KIF13A: variants seen among roughly 807,000 people sequenced by gnomAD.
KIF13A encodes the protein kinesin family member 13A.
In KIF13A, 79 loss-of-function variants were observed where a neutral mutation model predicts 212.2. That is an observed-to-expected ratio of 0.37 (90% CI 0.31 to 0.45). The LOEUF (loss-of-function observed/expected upper bound fraction) is 0.45, where lower values mean the gene tolerates loss of function less well. Ranked by LOEUF, KIF13A falls within the 20% of genes least tolerant of loss-of-function variation. KIF13A has a pLI of 1.00. For missense variants in KIF13A, 1,901 were observed against 2,209.0 expected (o/e 0.86, Z 2.79); for synonymous variants, 789 against 808.6 (o/e 0.98, Z 0.41).
chr6:17,933,435 G>T (rs1206033588), intron 2 of KIF13A, among the ~76,000 whole-genome samples: 12 of 120,428 alleles, frequency 1.0e-4, no homozygotes, highest in African/African-American at 3.3e-4. Flanking sequence ...GTAGAGACAA[G>T]GTCTCACTAT....
rs1264422442 is a variant in KIF13A at position 17,850,166 on chromosome 6, C to G, written c.717+157G>C. 6.6e-6 allele frequency among the ~76,000 whole-genome samples: 1 copy of G among 152,022 alleles called. No individual in the cohort carries two copies. Among genetic ancestry groups the G allele is most frequent in the Non-Finnish European group, 1.5e-5 (1 of 68,000 alleles). On this transcript the variant is annotated intron_variant, in intron 8 of 38. Transcript: ENST00000259711. This position sits in a 1 kb window ranked among gnomAD's most constrained non-coding sequence, Gnocchi z 6.2. ...TAAAAAGTCAAATATAAAGAAAGAC[C>G]TAACAAATTAAATGATAAGCAAAGT...
intron 20 of KIF13A, among the ~76,000 whole-genome samples, chr6:17,803,282 G>T (rs1393172206): frequency 6.6e-6 from 1 of 151,942 alleles, no homozygotes; most frequent in Non-Finnish European, 1.5e-5. Context: ...GGGTCTCATA[G>T]TGTTGACCAG....
At chr6:17,953,831 G>C (rs148804228) in intron 2 of KIF13A, 167 of 177,544 alleles carry the variant, frequency 9.4e-4, no homozygotes, top group African/African-American at 3.7e-3. Flanking sequence ...AACTGACAAA[G>C]GAAAAACTCT....
At position 17,951,192 on chromosome 6, in the gene KIF13A, T is replaced by C; in HGVS notation, c.146+35862A>G. 1 of 1,224,876 alleles carries C rather than the reference T, an allele frequency of 8.2e-7. No homozygotes were observed. The highest frequency in any genetic ancestry group is 1.0e-6 in the Non-Finnish European group (1 of 971,172). The allele number at this position is 1,224,876 out of a possible 1,614,324, so 75.9% of individuals were successfully genotyped here. A position where few individuals can be genotyped will look rare whatever the true frequency, so the allele number is the denominator to read the frequency against. On this transcript the variant is annotated intron_variant, in intron 2 of 38. Transcript: ENST00000259711. The surrounding 1 kb of genome is among the most constrained non-coding windows in gnomAD (Gnocchi z 4.9). ...TTTTTGAAGACAGGGTCTGGCTCTGTCACCCAGGCTGGCGTGCAGTGGCTC... is the reference window on the plus strand; with the variant it reads ...TTTTTGAAGACAGGGTCTGGCTCTGCCACCCAGGCTGGCGTGCAGTGGCTC...
intron 9 of KIF13A, among the ~76,000 whole-genome samples, chr6:17,846,971 C>T (rs531411819): frequency 6.6e-6 from 1 of 152,306 alleles, no homozygotes; most frequent in African/African-American, 2.4e-5. Context: ...ATTAAACTTG[C>T]TCTGTCTTGG....
At chr6:17,957,914 A>T (rs1232193802) in intron 2 of KIF13A, among the ~76,000 whole-genome samples, 2 of 152,210 alleles carry the variant, frequency 1.3e-5, no homozygotes, top group Non-Finnish European at 2.9e-5. Context: ...AAAGCTTAAC[A>T]TGACAATGAC....
At chr6:17,775,942 C>T (rs1398209959) in intron 34 of KIF13A, among the ~76,000 whole-genome samples, 2 of 151,918 alleles carry the variant, frequency 1.3e-5, no homozygotes, top group African/African-American at 2.4e-5. Flanking sequence ...AGTGCAATGG[C>T]GCAATCTCGG....
chr6:17,896,734 C>G lies in KIF13A; in HGVS notation c.159+1434G>C, dbSNP rs1009557893. On this transcript the variant is annotated intron_variant, in intron 3 of 38. Transcript: ENST00000259711. ...AAAGTGACAAGAACATTCCTGTGTA[C>G]AAAGCAATAGTGGTTTTTAAAAATG... Among the ~76,000 whole-genome samples, 4 of 152,204 alleles carry G rather than the reference C, an allele frequency of 2.6e-5. No homozygotes were observed. In the South Asian group the frequency reaches 8.3e-4, roughly 31 times the overall value.
intron 38 of KIF13A, among the ~76,000 whole-genome samples, chr6:17,765,621 G>A (rs1412588321): frequency 1.3e-5 from 2 of 152,156 alleles, no homozygotes; most frequent in East Asian, 3.8e-4. Context: ...GGTGAAGAAG[G>A]CATAGTGAAA....
In KIF13A at chr6:17,961,354, T is replaced by C. The variant is rs1164480993; in HGVS notation, c.146+25700A>G. 6.6e-6 allele frequency among the ~76,000 whole-genome samples: 1 copy of C among 152,174 alleles called. No individual in the cohort carries two copies. ...CTGATGTGGGATAATAAATAAGTTA[T>C]TAAGATAGGCAATAAATCATGTCCC... On this transcript the variant is annotated intron_variant, in intron 2 of 38. Transcript: ENST00000259711. This position sits in a 1 kb window ranked among gnomAD's most constrained non-coding sequence, Gnocchi z 4.1.
Position 17,771,187 on chromosome 6 carries a change from C to G in KIF13A, c.4508G>C (p.Gly1503Ala). Residue 1503 changes from glycine to alanine, a missense_variant, in exon 38 of 39, where the codon GGC becomes GCC. By Grantham distance (60) the Gly-to-Ala change is moderately conservative. Transcript: ENST00000259711. This position sits in a 1 kb window ranked among gnomAD's most constrained non-coding sequence, Gnocchi z 5.4. ...SMPPPQAHNP[G>A]CIVPSGSNGS... is the part of the protein sequence containing the mutation. ...ATTGCTTCCTGAGGGTACAATGCAG[C>G]CAGGGTTATGTGCCTGAGGTGGAGG... The G allele has an allele frequency of 6.2e-7, 1 of 1,612,890 alleles. No individual in the cohort carries two copies. Among genetic ancestry groups the G allele is most frequent in the Non-Finnish European group, 8.5e-7 (1 of 1,179,460 alleles).
chr6:17,781,165 G>C lies in KIF13A; in HGVS notation c.3669+12C>G, dbSNP rs1194508785. The C allele has an allele frequency of 1.2e-6, 2 of 1,613,728 alleles. No individual in the cohort carries two copies. Among genetic ancestry groups the C allele is most frequent in the African/African-American group, 2.7e-5 (2 of 74,894 alleles). On this transcript the variant is annotated intron_variant, in intron 30 of 38. Transcript: ENST00000259711. The stretch of plus-strand genomic sequence containing the variant: ...TCTGAAGCCTTTTAAGAGAAACTTG[G>C]GGGTTAATTACCTCATCATCACTGT...
rs115722308 is a variant in KIF13A, at chr6:17,806,296, G to C, written c.2164-681C>G. Among the ~76,000 whole-genome samples, 1,046 of 152,166 alleles carry C rather than the reference G, an allele frequency of 6.9e-3. 18 individuals carry two copies. Among genetic ancestry groups the C allele is most frequent in the African/African-American group, 0.024 (1,013 of 41,522 alleles). ...TAGCATTTGGATGTACTATACATTTGAGTAATTATTCTATTGTTTGACATC... is the reference window on the plus strand; with the variant it reads ...TAGCATTTGGATGTACTATACATTTCAGTAATTATTCTATTGTTTGACATC... On this transcript the variant is annotated intron_variant, in intron 18 of 38. Transcript: ENST00000259711.
At chr6:17,943,102 G>A (rs1021547691) in intron 2 of KIF13A, among the ~76,000 whole-genome samples, 9 of 152,120 alleles carry the variant, frequency 5.9e-5, no homozygotes, top group Admixed American at 1.3e-4. Context: ...TTAAAAGTTC[G>A]TTCATTCTGC....
intron 9 of KIF13A, among the ~76,000 whole-genome samples, chr6:17,844,055 AAAAAG>A (rs1489948968): frequency 6.6e-6 from 1 of 151,928 alleles, no homozygotes; most frequent in Non-Finnish European, 1.5e-5. Flanking sequence ...AAAAAAAAAA[AAAAAG>A]AAAGAAAGAA....
At chr6:17,964,867 G>C (rs1333324086) in intron 2 of KIF13A, among the ~76,000 whole-genome samples, 1 of 152,160 alleles carries the variant, frequency 6.6e-6, no homozygotes, top group Non-Finnish European at 1.5e-5. Flanking sequence ...TCTGTCGCCA[G>C]GCTGGAGTGT....
At chr6:17,857,097 ATAATG>A (rs1323899287) in intron 4 of KIF13A, among the ~76,000 whole-genome samples, 2 of 152,158 alleles carry the variant, frequency 1.3e-5, no homozygotes, top group East Asian at 3.9e-4. Flanking sequence ...ACATTTGAAA[ATAATG>A]TAACACAACA....
At chr6:17,815,546 A>G in intron 17 of KIF13A, 1 of 385,806 alleles carries the variant, frequency 2.6e-6, no homozygotes, top group Non-Finnish European at 5.4e-6. Context: ...CCTGTTTGGG[A>G]GTAACAGAGG....
At chr6:17,782,338 C>G (rs1052707068) in intron 29 of KIF13A, among the ~76,000 whole-genome samples, 5 of 151,554 alleles carry the variant, frequency 3.3e-5, no homozygotes, top group South Asian at 2.1e-4. Flanking sequence ...CAAATATATT[C>G]ATTAAACACA....
Sources: allele counts gnomAD v4.1 joint callset (sites outside exome capture counted in the v4.1 genomes callset), GRCh38; gene constraint gnomAD v4.1.1; non-coding constraint Gnocchi (gnomAD v3.1); transcripts MANE v1.5; gene names NCBI Gene and HGNC (gene_info 2026-07-23, HGNC 2026-07-21).